Variants in MAF observed in about 807,000 individuals in gnomAD.
MAF encodes MAF bZIP transcription factor, also known as transcription factor Maf.
Under a neutral mutation model 22.0 loss-of-function variants are expected in MAF, and 10 were observed. The observed-to-expected ratio is 0.45, with a 90% confidence interval of 0.28 to 0.77. The LOEUF (loss-of-function observed/expected upper bound fraction) is 0.77, where lower values mean the gene tolerates loss of function less well. Ranked by LOEUF, MAF falls within the 30% of genes least tolerant of loss-of-function variation. The pLI is 0.12. For missense variants in MAF, 544 were observed against 548.4 expected (o/e 0.99, Z 0.08); for synonymous variants, 337 against 255.8 (o/e 1.32, Z -3.03).
At chr16:79,268,581 A>G in the MAF span, among the ~76,000 whole-genome samples, 3 of 152,238 alleles carry the variant, frequency 2.0e-5, no homozygotes, top group African/African-American at 7.2e-5. Context: ...GTTTTGCAAC[A>G]ACAGACATAG....
chr16:79,493,338 C>T, the MAF span, among the ~76,000 whole-genome samples: 6 of 152,056 alleles, frequency 3.9e-5, no homozygotes, highest in African/African-American at 4.8e-5. Context: ...CCTGCCACCA[C>T]GCCCAGCTAA....
the MAF span, among the ~76,000 whole-genome samples, chr16:79,377,332 G>A: frequency 3.3e-5 from 5 of 152,188 alleles, no homozygotes; most frequent in East Asian, 9.6e-4. Flanking sequence ...CTTCTTTTGA[G>A]AAGTGTCTGT....
the MAF span, among the ~76,000 whole-genome samples, chr16:79,559,935 G>T: frequency 1.1e-4 from 17 of 152,244 alleles, no homozygotes; most frequent in Non-Finnish European, 2.5e-4. Context: ...ACAGGGTCTG[G>T]CTCTGTCATC....
the MAF span, among the ~76,000 whole-genome samples, chr16:79,465,689 C>A: frequency 6.6e-6 from 1 of 151,988 alleles, no homozygotes; most frequent in African/African-American, 2.4e-5. Context: ...TCTGTGTGTA[C>A]GTTTCACCTT....
chr16:79,424,487 G>A, the MAF span, among the ~76,000 whole-genome samples: 1 of 152,176 alleles, frequency 6.6e-6, no homozygotes, highest in Admixed American at 6.6e-5. Context: ...AAAAAAATTA[G>A]AAGTTATATT....
chr16:79,477,035 G>A, the MAF span, among the ~76,000 whole-genome samples: 1 of 152,152 alleles, frequency 6.6e-6, no homozygotes, highest in South Asian at 2.1e-4. Context: ...AGGGACATCA[G>A]GCATTTCTGA....
chr16:79,556,079 T>C, the MAF span, among the ~76,000 whole-genome samples: 28 of 152,312 alleles, frequency 1.8e-4, no homozygotes, highest in African/African-American at 6.7e-4. Context: ...TATTTAGTTG[T>C]AATTTTATAT....
At chr16:79,269,385 G>C in the MAF span, among the ~76,000 whole-genome samples, 1 of 152,112 alleles carries the variant, frequency 6.6e-6, no homozygotes, top group Non-Finnish European at 1.5e-5. Context: ...TGTCACCATG[G>C]CCGTGAAGCC....
At chr16:79,263,509 G>A in the MAF span, among the ~76,000 whole-genome samples, 38 of 152,330 alleles carry the variant, frequency 2.5e-4, no homozygotes, top group African/African-American at 7.0e-4. Context: ...AGGCAGTGAC[G>A]TTCTAAAATT....
At chr16:79,301,002 G>A in the MAF span, among the ~76,000 whole-genome samples, 1 of 151,924 alleles carries the variant, frequency 6.6e-6, no homozygotes, top group Non-Finnish European at 1.5e-5. Context: ...GGGAATAAAA[G>A]AGAGGAAAGG....
the MAF span, among the ~76,000 whole-genome samples, chr16:79,218,791 G>C: frequency 6.6e-6 from 1 of 152,146 alleles, no homozygotes; most frequent in East Asian, 1.9e-4. Flanking sequence ...AAAAATACCA[G>C]TCCATCCAAG....
chr16:79,495,057 C>G, the MAF span, among the ~76,000 whole-genome samples: 1 of 152,168 alleles, frequency 6.6e-6, no homozygotes, highest in Non-Finnish European at 1.5e-5. Flanking sequence ...CCCAGACACC[C>G]TGGTGTGTTC....
At chr16:79,492,152 G>A in the MAF span, among the ~76,000 whole-genome samples, 6 of 152,150 alleles carry the variant, frequency 3.9e-5, no homozygotes, top group Admixed American at 6.5e-5. Flanking sequence ...GTTGAGGACC[G>A]GGTGCCTAAC....
downstream of MAF, among the ~76,000 whole-genome samples, chr16:79,583,018 A>G (rs1178227987): frequency 6.6e-6 from 1 of 152,148 alleles, no homozygotes; most frequent in East Asian, 1.9e-4. Context: ...TTCTGTTAAA[A>G]TATGTTGATG....
the MAF span, among the ~76,000 whole-genome samples, chr16:79,293,867 G>GAGAA: frequency 2.3e-4 from 34 of 149,736 alleles, no homozygotes; most frequent in Admixed American, 1.1e-3. Context: ...GAGAGAGAGA[G>GAGAA]AGAAAGAGAG....
the MAF span, among the ~76,000 whole-genome samples, chr16:79,225,885 G>A: frequency 6.6e-6 from 1 of 152,208 alleles, no homozygotes; most frequent in Non-Finnish European, 1.5e-5. Flanking sequence ...AAGAACAGAT[G>A]CTGGAGAGGA....
the MAF span, among the ~76,000 whole-genome samples, chr16:79,413,443 C>T: frequency 2.5e-4 from 37 of 149,384 alleles, no homozygotes; most frequent in African/African-American, 7.8e-4. Flanking sequence ...GACGGGGTTT[C>T]ACCATGGTCT....
chr16:79,410,399 T>G, the MAF span, among the ~76,000 whole-genome samples: 1 of 152,222 alleles, frequency 6.6e-6, no homozygotes, highest in African/African-American at 2.4e-5. Context: ...GCCATCATAT[T>G]GAACTGAGCA....
At chr16:79,399,925 G>T in the MAF span, among the ~76,000 whole-genome samples, 18 of 152,308 alleles carry the variant, frequency 1.2e-4, no homozygotes, top group African/African-American at 4.1e-4. Flanking sequence ...CGAAGCTCAC[G>T]TGGGTTAGTA....
Sources: allele counts gnomAD v4.1 joint callset (sites outside exome capture counted in the v4.1 genomes callset), GRCh38; gene constraint gnomAD v4.1.1; transcripts MANE v1.5; gene names NCBI Gene and HGNC (gene_info 2026-07-23, HGNC 2026-07-21).